The following COL4A3 variants were observed in gnomAD, a reference collection of about 807,000 sequenced individuals.
COL4A3 encodes the protein collagen type IV alpha 3 chain.
Under a neutral mutation model 217.4 loss-of-function variants are expected in COL4A3, and 135 were observed. The observed-to-expected ratio is 0.62, with a 90% CI of 0.54 to 0.72. The LOEUF (loss-of-function observed/expected upper bound fraction) is 0.72. Among genes scored for constraint, COL4A3 ranks in the 30% least tolerant of loss-of-function variants. The pLI is 0.00. For missense variants in COL4A3, 1,868 were observed against 2,119.9 expected (o/e 0.88, Z 2.33); for synonymous variants, 690 against 736.3 (o/e 0.94, Z 1.02).
In COL4A3 at chr2:227,263,887, C is replaced by G; in HGVS notation, c.1258C>G (p.Pro420Ala). Reference protein sequence around the residue: ...GKDAMGTPGSPGCAGSPGLPG... With the variant: ...GKDAMGTPGSAGCAGSPGLPG... ...GGATGCCATGGGGACTCCTGGGTCCCCAGGTTGTGCTGGTTCACCAGGTCT... is the reference window on the plus strand; with the variant it reads ...GGATGCCATGGGGACTCCTGGGTCCGCAGGTTGTGCTGGTTCACCAGGTCT... Residue 420 changes from proline to alanine, a missense_variant, in exon 21 of 52, where the codon CCA becomes GCA. Pro to Ala is a conservative substitution (Grantham distance 27). Around this residue, in one of 2 missense-constraint regions of COL4A3, gnomAD observed 1,503 missense variants for 1,786.1 expected, o/e 0.84. Coordinates refer to ENST00000396578, the MANE Select transcript of COL4A3 (RefSeq NM_000091.5). 1 of 1,614,164 alleles carries G rather than the reference C, an allele frequency of 6.2e-7. No individual in the cohort carries two copies. The highest frequency in any genetic ancestry group is 8.5e-7 in the Non-Finnish European group (1 of 1,180,018).
chr2:227,227,619 C>T (rs987799281), intron 1 of COL4A3, among the ~76,000 whole-genome samples: 6 of 152,150 alleles, frequency 3.9e-5, no homozygotes, highest in African/African-American at 1.4e-4. Context: ...CAGATCCCCA[C>T]TCCCCATGTT....
intron 32 of COL4A3, 150 bp from the exon 33 acceptor site, chr2:227,283,617 T>C (rs2072123026): frequency 4.4e-6 from 3 of 677,140 alleles, no homozygotes; most frequent in Admixed American, 2.4e-5. Flanking sequence ...ACCCATCTCC[T>C]AGACTAATAC....
In COL4A3 at chr2:227,312,050, T is replaced by C; in HGVS notation, c.*180T>C. Reference sequence around the variant, plus strand: ...ATTCTTTCAAGTCAGTTCTGTGATCTGGGTCTCTAATCTGTGCTGTTTCAA... The same window carrying C: ...ATTCTTTCAAGTCAGTTCTGTGATCCGGGTCTCTAATCTGTGCTGTTTCAA... On this transcript the variant is annotated 3_prime_UTR_variant, in exon 52 of 52. Transcript: ENST00000396578. 1.1e-5 allele frequency: 13 copies of C among 1,135,164 alleles called. No homozygotes were observed. In the South Asian group the frequency reaches 1.9e-4, roughly 17 times the overall value. The allele number at this position is 1,135,164 out of a possible 1,614,324, so 70.3% of individuals were successfully genotyped here. A position where few individuals can be genotyped will look rare whatever the true frequency, so the allele number is the denominator to read the frequency against.
chr2:227,311,746 G>A (rs1257682884), intron 51 of COL4A3, 40 bp from the exon 52 acceptor site: 1 of 1,588,588 alleles, frequency 6.3e-7, no homozygotes, highest in South Asian at 1.1e-5. Context: ...TCCCTTTTAT[G>A]CATAAATAAA....
chr2:227,207,334 C>T (rs532020059), intron 1 of COL4A3, among the ~76,000 whole-genome samples: 1 of 152,296 alleles, frequency 6.6e-6, no homozygotes, highest in South Asian at 2.1e-4. Flanking sequence ...TTTAGTATAA[C>T]ATAAAAATAA....
rs1258147270 is a variant in COL4A3 at position 227,202,951 on chromosome 2, A to G, written c.88-35017A>G. ...TATATATGTGTATATATGTGTATAT[A>G]TACATATATGTGTATATATGTGTAT... On this transcript the variant is annotated intron_variant, in intron 1 of 51. Transcript: ENST00000396578. 7.8e-5 allele frequency among the ~76,000 whole-genome samples: 3 copies of G among 38,564 alleles called. 1 individual carries two copies. Among genetic ancestry groups the G allele is most frequent in the Non-Finnish European group, 1.3e-4 (3 of 22,582 alleles). The allele number at this position is 38,564 out of a possible 152,430, so 25.3% of individuals were successfully genotyped here.
Position 227,191,846 on chromosome 2 carries a change from T to G in COL4A3, c.87+27033T>G, listed in dbSNP as rs1415266462. 6.6e-6 allele frequency among the ~76,000 whole-genome samples: 1 copy of G among 152,246 alleles called. No individual in the cohort carries two copies. Among genetic ancestry groups the G allele is most frequent in the Non-Finnish European group, 1.5e-5 (1 of 68,044 alleles). On this transcript the variant is annotated intron_variant, in intron 1 of 51. Transcript: ENST00000396578. The surrounding 1 kb of genome is among the most constrained non-coding windows in gnomAD (Gnocchi z 6.8). ...TAAGAAGAACTTAGAATATTACAGA[T>G]TCTCTTACAAAACACAAAGACCTTG... is the stretch of plus-strand genomic sequence containing the variant.
chr2:227,309,167 G>A (rs766628848), intron 49 of COL4A3, 37 bp from the exon 50 acceptor site: 11 of 1,611,444 alleles, frequency 6.8e-6, no homozygotes, highest in Non-Finnish European at 9.3e-6. Context: ...AGTGCAGAAA[G>A]TGGCAATGCC....
At chr2:227,297,907 G>T in intron 42 of COL4A3, 48 bp downstream of exon 42, 2 of 1,545,378 alleles carry the variant, frequency 1.3e-6, no homozygotes, top group South Asian at 1.2e-5. Context: ...AATCATGTTT[G>T]ACCTCAAAAG....
At chr2:227,178,620 C>T (rs2065770461) in intron 1 of COL4A3, among the ~76,000 whole-genome samples, 1 of 152,054 alleles carries the variant, frequency 6.6e-6, no homozygotes, top group African/African-American at 2.4e-5. Flanking sequence ...GCAACTTCTG[C>T]CTCCCAGGTT....
At chr2:227,235,772 C>CTTTTTTTTTTT (rs201024233) in intron 1 of COL4A3, among the ~76,000 whole-genome samples, 53 of 122,412 alleles carry the variant, frequency 4.3e-4, no homozygotes, top group African/African-American at 1.6e-3. Context: ...TATTTCATTC[C>CTTTTTTTTTTT]TTTTTTTTTT....
At chr2:227,248,799 G>A (rs1445015408) in intron 9 of COL4A3, among the ~76,000 whole-genome samples, 2 of 152,116 alleles carry the variant, frequency 1.3e-5, no homozygotes, top group Non-Finnish European at 2.9e-5. Context: ...AAGCTTGCCT[G>A]AATCTAACAG....
At position 227,303,116 on chromosome 2, in the gene COL4A3, G is replaced by C. The variant is rs372675626; in HGVS notation, c.3955+6G>C. ...GGGGTTTCCAGGCGTGAAAGGTACT[G>C]TTTTTGTGCATTGCTCTTTATATGC... On this transcript the variant is annotated splice_donor_region_variant and intron_variant, in intron 44 of 51. Coordinates refer to ENST00000396578, the MANE Select transcript of COL4A3 (RefSeq NM_000091.5). 15 of 1,612,544 alleles carry C rather than the reference G, an allele frequency of 9.3e-6. No homozygotes were observed. In the East Asian group the frequency reaches 3.3e-4, roughly 36 times the overall value.
In COL4A3 at chr2:227,284,194, T is replaced by C. The variant is rs1304279521; in HGVS notation, c.2747-17T>C. 1.9e-6 allele frequency: 3 copies of C among 1,614,002 alleles called. No individual in the cohort carries two copies. The highest frequency in any genetic ancestry group is 2.5e-6 in the Non-Finnish European group (3 of 1,179,968). On this transcript the variant is annotated splice_polypyrimidine_tract_variant and intron_variant, in intron 33 of 51. Transcript: ENST00000396578. ...CTGAAGAATTAAGGACCTGATGTTGTTACTCCTGTCTGTTAGGGAGCCCTG... is the reference window on the plus strand; with the variant it reads ...CTGAAGAATTAAGGACCTGATGTTGCTACTCCTGTCTGTTAGGGAGCCCTG...
At chr2:227,188,301 G>A (rs1010842658) in intron 1 of COL4A3, among the ~76,000 whole-genome samples, 3 of 151,686 alleles carry the variant, frequency 2.0e-5, no homozygotes. Flanking sequence ...GTAACATTTG[G>A]ACATTGTATC....
chr2:227,231,645 T>C (rs115765075), intron 1 of COL4A3, among the ~76,000 whole-genome samples: 2,553 of 152,200 alleles, frequency 0.017, 75 homozygotes, highest in African/African-American at 0.057. Flanking sequence ...CTCAGCCCTC[T>C]GAGTAGCTGA....
chr2:227,229,444 G>C (rs1273310190), intron 1 of COL4A3, among the ~76,000 whole-genome samples: 2 of 152,212 alleles, frequency 1.3e-5, no homozygotes. Flanking sequence ...GTTAGAGATA[G>C]ATAACAGCAG....
At chr2:227,182,764 A>G (rs1352640832) in intron 1 of COL4A3, among the ~76,000 whole-genome samples, 1 of 152,226 alleles carries the variant, frequency 6.6e-6, no homozygotes, top group East Asian at 1.9e-4. Flanking sequence ...AAAAATGTTA[A>G]CAATTTTAAT....
At position 227,303,021 on chromosome 2, in the gene COL4A3, C is replaced by G. The variant is rs753246849; in HGVS notation, c.3883-17C>G. On this transcript the variant is annotated splice_polypyrimidine_tract_variant and intron_variant, in intron 43 of 51. Transcript: ENST00000396578. Reference sequence around the variant, plus strand: ...TAAAAATTTGTTTTGGTTCTGCTCCCTTTATTTGAAATATAGGGAGCACCA... The same window carrying G: ...TAAAAATTTGTTTTGGTTCTGCTCCGTTTATTTGAAATATAGGGAGCACCA... The G allele has an allele frequency of 4.4e-6, 7 of 1,598,252 alleles. No individual in the cohort carries two copies. In the African/African-American group the frequency reaches 9.4e-5, roughly 21 times the overall value.
Sources: allele counts gnomAD v4.1 joint callset (sites outside exome capture counted in the v4.1 genomes callset), GRCh38; gene constraint gnomAD v4.1.1; regional missense constraint gnomAD v4.1.1; non-coding constraint Gnocchi (gnomAD v3.1); transcripts MANE v1.5; gene names NCBI Gene and HGNC (gene_info 2026-07-23, HGNC 2026-07-21).